Variants in ERLEC1 observed in about 807,000 individuals in gnomAD.
The protein encoded by ERLEC1 is endoplasmic reticulum lectin 1, also known as ER lectin.
In ERLEC1, 47 loss-of-function variants were observed where a neutral mutation model predicts 68.0. That is an observed-to-expected ratio of 0.69 (90% CI 0.55 to 0.88). ERLEC1 has a LOEUF of 0.88. Among genes scored for constraint, ERLEC1 ranks in the 40% least tolerant of loss-of-function variants. ERLEC1 has a pLI of 0.00. For missense variants in ERLEC1, 567 were observed against 583.8 expected, an observed-to-expected ratio of 0.97 and a Z score of 0.30; for synonymous variants, 225 against 203.2, an observed-to-expected ratio of 1.11 and a Z score of -0.91.
intron 8 of ERLEC1, among the ~76,000 whole-genome samples, chr2:53,807,470 A>T (rs1338905800): frequency 6.6e-6 from 1 of 151,722 alleles, no homozygotes; most frequent in African/African-American, 2.4e-5. Context: ...TAGTGGCGTG[A>T]TCTCAGCTCA....
intron 1 of ERLEC1, among the ~76,000 whole-genome samples, chr2:53,791,989 G>GCA (rs1430572814): frequency 6.7e-6 from 1 of 149,724 alleles, no homozygotes; most frequent in Non-Finnish European, 1.5e-5. Flanking sequence ...TCAGCTCTCT[G>GCA]CAAGCTCCGC....
At chr2:53,816,265 G>GTT (rs57918616) in intron 13 of ERLEC1, among the ~76,000 whole-genome samples, 6 of 121,830 alleles carry the variant, frequency 4.9e-5, no homozygotes, top group Admixed American at 8.7e-5. Context: ...GTTTTGGTTG[G>GTT]TTTTTTTTTT....
Position 53,817,965 on chromosome 2 carries a change from A to G in ERLEC1, c.1448A>G (p.Asn483Ser), listed in dbSNP as rs146951835. Residue 483 changes from asparagine to serine, a missense_variant, in exon 14 of 14, where the codon AAC (asparagine) becomes AGC (serine). By Grantham distance (46) the Asn-to-Ser change is conservative (BLOSUM62 1). Transcript: ENST00000185150. Reference sequence around the variant, plus strand: ...GAAAATGGACTTCTTTCTCTCCCCAACTAAAGGATATTAAAGTTAGGGGAA... The same window carrying G: ...GAAAATGGACTTCTTTCTCTCCCCAGCTAAAGGATATTAAAGTTAGGGGAA... ...ADENGLLSLP[N>S] is the part of the protein sequence containing the mutation. The G allele has an allele frequency of 5.4e-5, 83 of 1,545,176 alleles. No individual in the cohort carries two copies. Among genetic ancestry groups the G allele is most frequent in the African/African-American group, 1.2e-4 (9 of 73,712 alleles).
chr2:53,792,866 G>A (rs900418091), intron 1 of ERLEC1, among the ~76,000 whole-genome samples: 4 of 151,948 alleles, frequency 2.6e-5, no homozygotes, highest in African/African-American at 7.3e-5. Flanking sequence ...AAAAATTACC[G>A]GGGCATGGTG....
chr2:53,797,782 T>C lies in ERLEC1; in HGVS notation c.477T>C (p.Leu159=), dbSNP rs756255303. The change falls in exon 5 of 14, where the codon CTT becomes CTC. Residue 159 remains leucine, a synonymous_variant. Coordinates refer to ENST00000185150, the MANE Select transcript of ERLEC1 (RefSeq NM_015701.5). ...TTGGGAATATGTTGGCCAAGAACCT[T>C]CTATTTGAAAAAGGTTGGTGTCTAC... The part of the protein sequence containing the change: ...YYLGNMLAKN[L]LFEKEREAEE... 1 of 1,612,624 alleles carries C rather than the reference T, an allele frequency of 6.2e-7. No individual in the cohort carries two copies. The highest frequency in any genetic ancestry group is 1.1e-5 in the South Asian group (1 of 91,002).
At chr2:53,813,402 T>C (rs886224335) in intron 11 of ERLEC1, among the ~76,000 whole-genome samples, 2 of 152,164 alleles carry the variant, frequency 1.3e-5, no homozygotes, top group African/African-American at 4.8e-5. Context: ...GTAATTTATG[T>C]AAAGGAGAAT....
chr2:53,804,514 G>T (rs960957815), intron 8 of ERLEC1, among the ~76,000 whole-genome samples: 1 of 152,128 alleles, frequency 6.6e-6, no homozygotes, highest in Admixed American at 6.5e-5. Context: ...GGCCTCAAGT[G>T]ATCTGCTTAC....
chr2:53,814,706 A>G, intron 12 of ERLEC1, 86 bp downstream of exon 12: 1 of 1,038,648 alleles, frequency 9.6e-7, no homozygotes, highest in Non-Finnish European at 1.4e-6. Context: ...CAGTATAATT[A>G]TGAATAATTA....
intron 1 of ERLEC1, 60 bp from the exon 2 acceptor site, chr2:53,794,285 T>C: frequency 1.5e-6 from 1 of 688,506 alleles, no homozygotes; most frequent in Non-Finnish European, 2.4e-6. Flanking sequence ...AAGACTAAAG[T>C]TATTCAGTGT....
At chr2:53,787,845 C>T (rs1427119674) in intron 1 of ERLEC1, among the ~76,000 whole-genome samples, 5 of 152,224 alleles carry the variant, frequency 3.3e-5, no homozygotes, top group Admixed American at 6.5e-5. Context: ...CACGGACATA[C>T]GCAAACGCAC....
chr2:53,812,409 G>A (rs755539004), intron 10 of ERLEC1, among the ~76,000 whole-genome samples: 7 of 152,098 alleles, frequency 4.6e-5, no homozygotes, highest in Non-Finnish European at 1.0e-4. Context: ...TGGGAAAAGG[G>A]GTTTCTGGAC....
At chr2:53,813,911 GTATA>G (rs1303863741) in intron 11 of ERLEC1, among the ~76,000 whole-genome samples, 1 of 151,838 alleles carries the variant, frequency 6.6e-6, no homozygotes, top group Non-Finnish European at 1.5e-5. Flanking sequence ...TTAGCATTAG[GTATA>G]TCTCCTAAAG....
chr2:53,794,384 A>G lies in ERLEC1; in HGVS notation c.202A>G (p.Ile68Val), dbSNP rs1215137786. The change falls in exon 2 of 14, where the codon ATC (isoleucine) becomes GTC (valine). Residue 68 changes from isoleucine (I) to valine (V), a missense_variant. Coordinates refer to ENST00000185150, the MANE Select transcript of ERLEC1 (RefSeq NM_015701.5). ...TTTATATAAAGAAGATAATTATGTC[A>G]TCATGACAACTGCACATAAAGAAAA... is the stretch of plus-strand genomic sequence containing the variant. ...GVLYKEDNYV[I>V]MTTAHKEKYK... 1.3e-6 allele frequency: 2 copies of G among 1,586,768 alleles called. No individual in the cohort carries two copies. The highest frequency in any genetic ancestry group is 1.7e-6 in the Non-Finnish European group (2 of 1,164,752).
At chr2:53,809,380 T>A in intron 10 of ERLEC1, 107 bp downstream of exon 10, 1 of 792,124 alleles carries the variant, frequency 1.3e-6, no homozygotes, top group Non-Finnish European at 1.9e-6. Context: ...ATGAGATGAT[T>A]TTAATATGAT....
chr2:53,815,716 G>A (rs1187818711), intron 13 of ERLEC1, among the ~76,000 whole-genome samples: 1 of 151,726 alleles, frequency 6.6e-6, no homozygotes, highest in Non-Finnish European at 1.5e-5. Flanking sequence ...ACTTTTTTTT[G>A]GTGGTGTTTT....
chr2:53,814,816 C>T, intron 12 of ERLEC1, 44 bp from the exon 13 acceptor site: 5 of 1,432,842 alleles, frequency 3.5e-6, no homozygotes, highest in Non-Finnish European at 4.9e-6. Context: ...AGTGATCTTA[C>T]TTTAAATGAT....
At chr2:53,794,050 G>T (rs890111915) in intron 1 of ERLEC1, among the ~76,000 whole-genome samples, 5 of 151,976 alleles carry the variant, frequency 3.3e-5, no homozygotes, top group African/African-American at 1.2e-4. Context: ...GAGAGGGAGG[G>T]GTGACAAACT....
chr2:53,800,426 A>G (rs2104301693), intron 6 of ERLEC1, among the ~76,000 whole-genome samples: 1 of 152,284 alleles, frequency 6.6e-6, no homozygotes, highest in African/African-American at 2.4e-5. Flanking sequence ...AAAAACTGAA[A>G]TTTATTCAAA....
At chr2:53,802,034 T>C (rs1013299863) in intron 8 of ERLEC1, among the ~76,000 whole-genome samples, 192 bp downstream of exon 8, 2 of 152,204 alleles carry the variant, frequency 1.3e-5, no homozygotes, top group African/African-American at 4.8e-5. Context: ...TATTTTAATA[T>C]TCTCTTATAT....
Sources: gnomAD v4.1 joint callset for allele counts (sites outside exome capture counted in the v4.1 genomes callset) on GRCh38, gnomAD v4.1.1 for gene constraint, MANE v1.5 for transcripts, NCBI Gene and HGNC (gene_info 2026-07-23, HGNC 2026-07-21) for gene names.